LRP1B: variants seen among roughly 807,000 people sequenced by gnomAD.
The protein encoded by LRP1B is low-density lipoprotein receptor-related protein 1B.
LRP1B carries 217 observed loss-of-function variants against 556.6 expected under a neutral mutation model. The observed-to-expected ratio is 0.39, with a 90% CI of 0.35 to 0.44. The LOEUF is 0.44. Among genes scored for constraint, LRP1B ranks in the 20% least tolerant of loss-of-function variants. The pLI, the probability that LRP1B is intolerant of heterozygous loss-of-function variation, is 1.00. For missense variants in LRP1B, 5,053 were observed against 5,620.8 expected, an observed-to-expected ratio of 0.90 and a Z score of 3.23; for synonymous variants, 2,047 against 1,865.8, an observed-to-expected ratio of 1.10 and a Z score of -2.50.
chr2:141,571,007 C>T (rs992668838), intron 2 of LRP1B, among the ~76,000 whole-genome samples: 4 of 151,350 alleles, frequency 2.6e-5, no homozygotes, highest in Non-Finnish European at 4.4e-5. Flanking sequence ...GCAGCCCAGA[C>T]GAGTGGGTTT....
chr2:141,004,283 T>C (rs574694740), intron 15 of LRP1B, among the ~76,000 whole-genome samples: 2 of 152,038 alleles, frequency 1.3e-5, no homozygotes, highest in Non-Finnish European at 2.9e-5. Context: ...AGATTAACAT[T>C]TGAATTAGTA....
chr2:141,884,777 C>A (rs1241821758), intron 1 of LRP1B, among the ~76,000 whole-genome samples: 5 of 152,104 alleles, frequency 3.3e-5, no homozygotes, highest in African/African-American at 1.2e-4. Flanking sequence ...AGATTATTGC[C>A]CCTACATTCT....
At chr2:141,994,604 T>C (rs1191747130) in intron 1 of LRP1B, among the ~76,000 whole-genome samples, 2 of 152,074 alleles carry the variant, frequency 1.3e-5, no homozygotes. Context: ...GAATGGTGAG[T>C]GCAAGAGACT....
intron 66 of LRP1B, among the ~76,000 whole-genome samples, chr2:140,416,004 C>T (rs1450913227): frequency 3.3e-5 from 5 of 152,128 alleles, no homozygotes; most frequent in African/African-American, 1.2e-4. Context: ...GTGCAGGGGT[C>T]CCCAACCCCT....
At chr2:141,122,025 G>A (rs1476563416) in intron 7 of LRP1B, among the ~76,000 whole-genome samples, 1 of 152,098 alleles carries the variant, frequency 6.6e-6, no homozygotes, top group Non-Finnish European at 1.5e-5. Context: ...TTAATAAATG[G>A]TCTGGGAAGA....
At chr2:141,889,231 G>A (rs1006897376) in intron 1 of LRP1B, among the ~76,000 whole-genome samples, 2 of 151,878 alleles carry the variant, frequency 1.3e-5, no homozygotes, top group Admixed American at 6.6e-5. Flanking sequence ...AAGAAAAAAT[G>A]GAAGAAACCA....
chr2:142,075,565 C>T (rs532015819), intron 1 of LRP1B, among the ~76,000 whole-genome samples: 1 of 152,186 alleles, frequency 6.6e-6, no homozygotes, highest in South Asian at 2.1e-4. Flanking sequence ...TACATGAGGC[C>T]ACAGCCATAG....
At chr2:141,485,303 A>G (rs1178505477) in intron 2 of LRP1B, among the ~76,000 whole-genome samples, 1 of 152,120 alleles carries the variant, frequency 6.6e-6, no homozygotes, top group Non-Finnish European at 1.5e-5. Flanking sequence ...TCCTTCCCAA[A>G]TTTTCATATC....
chr2:140,546,889 T>C (rs1293206057), intron 43 of LRP1B, among the ~76,000 whole-genome samples: 4 of 152,148 alleles, frequency 2.6e-5, no homozygotes, highest in Non-Finnish European at 5.9e-5. Flanking sequence ...CAAAAGCCTT[T>C]TTTGCATCTA....
At chr2:140,283,788 CTT>C (rs1484670622) in intron 84 of LRP1B, among the ~76,000 whole-genome samples, 1 of 151,616 alleles carries the variant, frequency 6.6e-6, no homozygotes, top group African/African-American at 2.4e-5. Context: ...ATGAGACAAA[CTT>C]ATAGGAGGTA....
In LRP1B at chr2:140,666,323, CA is replaced by C. The variant is rs1278088008; in HGVS notation, c.6799+33926del. 2.7e-5 allele frequency among the ~76,000 whole-genome samples: 4 copies of C among 146,430 alleles called. No individual in the cohort carries two copies. The East Asian group carries it at 6.5e-4, about 24-fold the overall frequency. On this transcript the variant is annotated intron_variant, in intron 41 of 90. Coordinates refer to ENST00000389484, the MANE Select transcript of LRP1B (RefSeq NM_018557.3). ...TTATACACACACACACACACACACA[CA>C]CACACACCACACAAATAAATTGCCT...
At chr2:142,092,893 C>T (rs773754623) in intron 1 of LRP1B, among the ~76,000 whole-genome samples, 1 of 152,012 alleles carries the variant, frequency 6.6e-6, no homozygotes, top group African/African-American at 2.4e-5. Flanking sequence ...AAGTTTTCCA[C>T]GTTTTTCTTC....
intron 11 of LRP1B, among the ~76,000 whole-genome samples, chr2:141,033,407 T>C (rs66655637): frequency 0.42 from 63,120 of 151,752 alleles, 13,414 homozygotes; most frequent in East Asian, 0.59. Context: ...TTTAAAAAAC[T>C]ACTCAGGCTG....
At chr2:141,636,255 C>T (rs1689105254) in intron 2 of LRP1B, among the ~76,000 whole-genome samples, 1 of 152,046 alleles carries the variant, frequency 6.6e-6, no homozygotes, top group Admixed American at 6.6e-5. Context: ...GGATTACTAT[C>T]TGGAATATGT....
rs185936257 is a variant in LRP1B at position 140,747,710 on chromosome 2, A to T, written c.5758+21503T>A. Among the ~76,000 whole-genome samples, 3 of 152,244 alleles carry T rather than the reference A, an allele frequency of 2.0e-5. No homozygotes were observed. The East Asian group carries it at 5.8e-4, about 29-fold the overall frequency. ...ATAGGTAAGGTCTTAAATCTCTTTC[A>T]TCTCAGAAAATCTTGTGAAGTCTTT... is the stretch of plus-strand genomic sequence containing the variant. On this transcript the variant is annotated intron_variant, in intron 35 of 90. Coordinates refer to ENST00000389484, the MANE Select transcript of LRP1B (RefSeq NM_018557.3).
chr2:140,594,985 T>G (rs1305483318), intron 43 of LRP1B, among the ~76,000 whole-genome samples: 1 of 151,300 alleles, frequency 6.6e-6, no homozygotes, highest in African/African-American at 2.4e-5. Context: ...AGTTTTTACC[T>G]GTCACACATT....
intron 83 of LRP1B, among the ~76,000 whole-genome samples, chr2:140,301,988 A>G (rs1039294292): frequency 2.0e-5 from 3 of 151,982 alleles, no homozygotes; most frequent in African/African-American, 4.8e-5. Flanking sequence ...TGAATCCATT[A>G]ATTACTTCTC....
intron 1 of LRP1B, among the ~76,000 whole-genome samples, chr2:141,858,925 G>C (rs1698151540): frequency 2.0e-5 from 3 of 152,066 alleles, no homozygotes; most frequent in African/African-American, 4.8e-5. Context: ...ACCAGACTGT[G>C]GTAGGCAGAG....
intron 2 of LRP1B, among the ~76,000 whole-genome samples, chr2:141,706,609 A>T (rs1692148933): frequency 6.6e-6 from 1 of 152,100 alleles, no homozygotes; most frequent in Admixed American, 6.6e-5. Context: ...AAATAATTAG[A>T]GCTGATCCTT....
Sources: gnomAD v4.1 joint callset for allele counts (sites outside exome capture counted in the v4.1 genomes callset) on GRCh38, gnomAD v4.1.1 for gene constraint, MANE v1.5 for transcripts, NCBI Gene and HGNC (gene_info 2026-07-23, HGNC 2026-07-21) for gene names.